The following NFIB variants were observed in gnomAD, a reference collection of about 807,000 sequenced individuals.
The protein encoded by NFIB is nuclear factor 1 B-type.
In NFIB, 11 loss-of-function variants were observed where a neutral mutation model predicts 61.5. That is an observed-to-expected ratio of 0.18 (90% CI 0.11 to 0.30). The LOEUF (loss-of-function observed/expected upper bound fraction) is 0.30. Ranked by LOEUF, NFIB falls within the 10% of genes least tolerant of loss-of-function variation. The pLI, the probability that NFIB is intolerant of heterozygous loss-of-function variation, is 1.00. For synonymous variants in NFIB, 260 were observed against 216.5 expected (o/e 1.20, Z -1.76); for missense variants, 471 against 608.9 (o/e 0.77, Z 2.38).
the NFIB span, among the ~76,000 whole-genome samples, chr9:14,470,897 G>A: frequency 1.3e-5 from 2 of 152,160 alleles, no homozygotes; most frequent in Non-Finnish European, 2.9e-5. Context: ...ATGGGATGGA[G>A]AAGATGAACT....
the NFIB span, among the ~76,000 whole-genome samples, chr9:14,475,613 C>T: frequency 6.6e-6 from 1 of 152,112 alleles, no homozygotes; most frequent in Non-Finnish European, 1.5e-5. Flanking sequence ...ACATTAGCTC[C>T]CACTTTTTCC....
At position 14,380,807 on chromosome 9, in the gene NFIB, G is replaced by T. The variant is rs113994922; in HGVS notation, c.108+17717C>A. On this transcript the variant is annotated intron_variant, in intron 1 of 8. Transcript: ENST00000380934. ...CCTGTTTCTTCTAAAAAGAGTCTCA[G>T]TGACTGCACAAAGCCACACAACCAG... Among the ~76,000 whole-genome samples, 697 of 152,198 alleles carry T rather than the reference G, an allele frequency of 4.6e-3. 3 individuals are homozygous for T. Among genetic ancestry groups the T allele is most frequent in the African/African-American group, 0.016 (660 of 41,534 alleles).
chr9:14,527,484 A>G, the NFIB span, among the ~76,000 whole-genome samples: 2 of 152,228 alleles, frequency 1.3e-5, no homozygotes, highest in Non-Finnish European at 2.9e-5. Flanking sequence ...AAGGTATTAT[A>G]ATAGCTATAT....
intron 2 of NFIB, among the ~76,000 whole-genome samples, chr9:14,184,920 G>C (rs2047177972): frequency 6.6e-6 from 1 of 152,124 alleles, no homozygotes; most frequent in Non-Finnish European, 1.5e-5. Context: ...CTACTTGAGA[G>C]GCTGAGACAT....
chr9:14,418,321 A>T, the NFIB span, among the ~76,000 whole-genome samples: 1 of 152,206 alleles, frequency 6.6e-6, no homozygotes, highest in East Asian at 1.9e-4. Flanking sequence ...CAGCTCAGCA[A>T]CCAAACTATA....
At chr9:14,160,830 T>G (rs1259773691) in intron 3 of NFIB, among the ~76,000 whole-genome samples, 5 of 12,104 alleles carry the variant, frequency 4.1e-4, no homozygotes, top group African/African-American at 1.1e-3. Flanking sequence ...GAAGGAAATC[T>G]CAAAAAAAAA....
At chr9:14,289,092 G>GTGTC (rs2058906738) in intron 2 of NFIB, among the ~76,000 whole-genome samples, 2 of 146,982 alleles carry the variant, frequency 1.4e-5, no homozygotes, top group Admixed American at 1.4e-4. Context: ...GTGTGTGTGT[G>GTGTC]TGTGTGTGTG....
In NFIB at chr9:14,083,477, A is replaced by AC. The variant is rs1189652679; in HGVS notation, c.*4831_*4832insG. The stretch of plus-strand genomic sequence containing the variant: ...ACTATTGAACTTGAATAGCCTGCAC[A>AC]TTAAAAAAAAAAAAAAAAAAAAAGT... On this transcript the variant is annotated 3_prime_UTR_variant, in exon 11 of 11. Coordinates refer to ENST00000380953, the MANE Select transcript of NFIB (RefSeq NM_001190737.2). 3.0e-5 allele frequency: 5 copies of AC among 167,504 alleles called. No individual in the cohort carries two copies. The highest frequency in any genetic ancestry group is 1.7e-4 in the African/African-American group (5 of 29,954). The allele number at this position is 167,504 out of a possible 1,614,324, so 10.4% of individuals were successfully genotyped here.
chr9:14,386,960 T>C (rs1411021354), intron 1 of NFIB, among the ~76,000 whole-genome samples: 1 of 152,210 alleles, frequency 6.6e-6, no homozygotes, highest in East Asian at 1.9e-4. Context: ...ACTTTTAATA[T>C]CACACTGTAA....
the NFIB span, among the ~76,000 whole-genome samples, chr9:14,529,958 G>C: frequency 1.3e-3 from 202 of 152,300 alleles, 1 homozygote; most frequent in Non-Finnish European, 2.2e-3. Flanking sequence ...CTCTTGAGAA[G>C]CTGCAATCTG....
At chr9:14,127,677 G>T (rs1359374088) in intron 6 of NFIB, among the ~76,000 whole-genome samples, 1 of 152,054 alleles carries the variant, frequency 6.6e-6, no homozygotes, top group Non-Finnish European at 1.5e-5. Flanking sequence ...ATTAATATGA[G>T]AAACTAATTA....
At chr9:14,227,080 G>A (rs1173182744) in intron 2 of NFIB, among the ~76,000 whole-genome samples, 2 of 150,020 alleles carry the variant, frequency 1.3e-5, no homozygotes, top group Admixed American at 6.7e-5. Context: ...GGCAAAGTTT[G>A]CAGTGAGCCG....
At chr9:14,515,529 C>G in the NFIB span, among the ~76,000 whole-genome samples, 1 of 152,022 alleles carries the variant, frequency 6.6e-6, no homozygotes, top group African/African-American at 2.4e-5. Flanking sequence ...TGCCAGGAAC[C>G]CTTTGCATCA....
At chr9:14,164,075 G>C (rs1167992433) in intron 3 of NFIB, among the ~76,000 whole-genome samples, 5 of 151,080 alleles carry the variant, frequency 3.3e-5, no homozygotes, top group Non-Finnish European at 7.4e-5. Context: ...AAATTAAAAA[G>C]ATGAAATTAA....
intron 3 of NFIB, among the ~76,000 whole-genome samples, chr9:14,170,749 C>T (rs970738589): frequency 6.6e-6 from 1 of 152,140 alleles, no homozygotes; most frequent in Non-Finnish European, 1.5e-5. Context: ...ATGACTCAGA[C>T]GTCTTTTCAC....
At chr9:14,454,453 C>A in the NFIB span, among the ~76,000 whole-genome samples, 1 of 152,192 alleles carries the variant, frequency 6.6e-6, no homozygotes, top group Non-Finnish European at 1.5e-5. Context: ...CTCTCTCTTG[C>A]CTAGTTAATT....
the NFIB span, among the ~76,000 whole-genome samples, chr9:14,442,856 C>T: frequency 6.6e-6 from 1 of 152,070 alleles, no homozygotes; most frequent in Non-Finnish European, 1.5e-5. Flanking sequence ...TTAGTAACAA[C>T]GGTATCACTA....
At chr9:14,192,123 C>G (rs1226688730) in intron 2 of NFIB, among the ~76,000 whole-genome samples, 1 of 152,142 alleles carries the variant, frequency 6.6e-6, no homozygotes, top group Non-Finnish European at 1.5e-5. Context: ...AGCCTGTCAC[C>G]TGTTGTTTTT....
At chr9:14,275,531 C>G (rs1309922269) in intron 2 of NFIB, among the ~76,000 whole-genome samples, 1 of 152,068 alleles carries the variant, frequency 6.6e-6, no homozygotes, top group African/African-American at 2.4e-5. Flanking sequence ...CTGAGTCATC[C>G]CATTCACAAG....
Sources: allele counts gnomAD v4.1 joint callset (sites outside exome capture counted in the v4.1 genomes callset), GRCh38; gene constraint gnomAD v4.1.1; transcripts MANE v1.5; gene names NCBI Gene and HGNC (gene_info 2026-07-23, HGNC 2026-07-21).